GRIK2: variants seen among roughly 807,000 people sequenced by gnomAD.
The protein encoded by GRIK2 is glutamate receptor ionotropic, kainate 2.
Under a neutral mutation model 100.3 loss-of-function variants are expected in GRIK2, and 32 were observed. That is an observed-to-expected ratio of 0.32 (90% CI 0.24 to 0.43). The LOEUF (loss-of-function observed/expected upper bound fraction) is 0.43, where lower values mean the gene tolerates loss of function less well. Among genes scored for constraint, GRIK2 ranks in the 20% least tolerant of loss-of-function variants. The pLI is 1.00. For missense variants in GRIK2, 843 were observed against 1,114.9 expected, an observed-to-expected ratio of 0.76 and a Z score of 3.47; for synonymous variants, 417 against 389.4, an observed-to-expected ratio of 1.07 and a Z score of -0.83.
intron 8 of GRIK2, among the ~76,000 whole-genome samples, chr6:101,801,087 G>T (rs1372936045): frequency 6.6e-6 from 1 of 151,772 alleles, no homozygotes; most frequent in Non-Finnish European, 1.5e-5. Flanking sequence ...TCTTTGTTTT[G>T]GTTGCTAGGA....
chr6:101,421,585 ATTACT>A (rs1421289846), intron 2 of GRIK2, among the ~76,000 whole-genome samples: 4 of 152,224 alleles, frequency 2.6e-5, no homozygotes, highest in African/African-American at 9.6e-5. Flanking sequence ...GTTAAAGAAC[ATTACT>A]TTATTGAGTA....
At chr6:101,586,713 A>G (rs1013357855) in intron 2 of GRIK2, among the ~76,000 whole-genome samples, 2 of 137,820 alleles carry the variant, frequency 1.5e-5, no homozygotes, top group African/African-American at 5.7e-5. Context: ...TACTAAAAAT[A>G]AAATTAAAAA....
intron 7 of GRIK2, among the ~76,000 whole-genome samples, chr6:101,797,343 A>T (rs1264627798): frequency 6.6e-6 from 1 of 151,964 alleles, no homozygotes; most frequent in Non-Finnish European, 1.5e-5. Flanking sequence ...TATAGTATGT[A>T]GTGGTGGCCA....
At chr6:101,669,192 A>G (rs2128337214) in intron 4 of GRIK2, among the ~76,000 whole-genome samples, 1 of 152,220 alleles carries the variant, frequency 6.6e-6, no homozygotes, top group South Asian at 2.1e-4. Context: ...GAAGAAGGGG[A>G]CACTTTAATT....
In GRIK2 at chr6:101,827,896, T is replaced by C. The variant is rs76245053; in HGVS notation, c.1317+9413T>C. 9.8e-3 allele frequency among the ~76,000 whole-genome samples: 1,494 copies of C among 151,852 alleles called. 43 individuals are homozygous for C. The highest frequency in any genetic ancestry group is 0.091 in the South Asian group (437 of 4,824). On this transcript the variant is annotated intron_variant, in intron 10 of 16. Transcript: ENST00000369134. The stretch of plus-strand genomic sequence containing the variant: ...CGATTGAGGCAGAAAACAAAGAAAT[T>C]CTGCACTTAAATTTGGCACTTGACC...
chr6:101,479,592 C>A (rs1460782449), intron 2 of GRIK2, among the ~76,000 whole-genome samples: 1 of 151,910 alleles, frequency 6.6e-6, no homozygotes, highest in African/African-American at 2.4e-5. Context: ...TTTGTAATTT[C>A]GGCATGGTTT....
At chr6:101,979,551 G>A (rs1793593568) in intron 14 of GRIK2, among the ~76,000 whole-genome samples, 1 of 151,894 alleles carries the variant, frequency 6.6e-6, no homozygotes, top group African/African-American at 2.4e-5. Context: ...ATAAGCAGAG[G>A]TGGGTAAGAA....
rs117480490 is a variant in GRIK2 at position 101,801,525 on chromosome 6, T to C, written c.1096-806T>C. The stretch of plus-strand genomic sequence containing the variant: ...TGAAATATTACCCTTAATCTACTGA[T>C]ATTTACTTCTTTTGGGTCTTGGTTA... On this transcript the variant is annotated intron_variant, in intron 8 of 16. Coordinates refer to ENST00000369134, the MANE Select transcript of GRIK2 (RefSeq NM_021956.5). Among the ~76,000 whole-genome samples the C allele has an allele frequency of 3.0e-3, 451 of 152,120 alleles. 3 individuals carry two copies. The highest frequency in any genetic ancestry group is 6.8e-3 in the South Asian group (33 of 4,828).
At chr6:101,991,547 T>C (rs1003616947) in intron 14 of GRIK2, among the ~76,000 whole-genome samples, 11 of 151,168 alleles carry the variant, frequency 7.3e-5, no homozygotes, top group African/African-American at 2.2e-4. Flanking sequence ...AAAAAGAAAA[T>C]ATTTTACACC....
chr6:101,824,487 C>T (rs1431358100), intron 10 of GRIK2, among the ~76,000 whole-genome samples: 4 of 152,072 alleles, frequency 2.6e-5, no homozygotes, highest in African/African-American at 4.8e-5. Context: ...TCTTAGTTTT[C>T]GATAGACATT....
At chr6:101,752,870 A>G (rs112458882) in intron 7 of GRIK2, among the ~76,000 whole-genome samples, 7 of 152,198 alleles carry the variant, frequency 4.6e-5, no homozygotes, top group African/African-American at 1.4e-4. Context: ...CTGTAGATGT[A>G]TTTCCACAAA....
At chr6:101,685,292 C>G (rs1263753717) in intron 6 of GRIK2, among the ~76,000 whole-genome samples, 1 of 152,160 alleles carries the variant, frequency 6.6e-6, no homozygotes, top group Non-Finnish European at 1.5e-5. Context: ...AGAGCTCAGG[C>G]CAATGCCAGC....
At chr6:101,957,461 TTTC>T (rs1792010921) in intron 14 of GRIK2, among the ~76,000 whole-genome samples, 2 of 151,456 alleles carry the variant, frequency 1.3e-5, no homozygotes, top group South Asian at 4.1e-4. Flanking sequence ...TGATTGTGAT[TTTC>T]TTATTTATTT....
intron 3 of GRIK2, among the ~76,000 whole-genome samples, chr6:101,624,022 A>G (rs1231667885): frequency 6.6e-6 from 1 of 152,086 alleles, no homozygotes; most frequent in Non-Finnish European, 1.5e-5. Flanking sequence ...TATTTATCCA[A>G]TGCAAGAAAA....
At chr6:101,451,498 G>T (rs1770678088) in intron 2 of GRIK2, among the ~76,000 whole-genome samples, 1 of 151,494 alleles carries the variant, frequency 6.6e-6, no homozygotes. Flanking sequence ...TAATTATGTG[G>T]AATTTATTTT....
chr6:101,759,406 A>G (rs1213403315), intron 7 of GRIK2, among the ~76,000 whole-genome samples: 1 of 152,158 alleles, frequency 6.6e-6, no homozygotes, highest in African/African-American at 2.4e-5. Context: ...ATGTCTCTTT[A>G]TTTGCATAAC....
intron 11 of GRIK2, among the ~76,000 whole-genome samples, chr6:101,879,330 C>T (rs1215805055): frequency 2.6e-5 from 4 of 152,012 alleles, no homozygotes; most frequent in Non-Finnish European, 5.9e-5. Flanking sequence ...AAAATACATG[C>T]TTCTTTGAGG....
chr6:101,697,850 A>G (rs1381523808), intron 7 of GRIK2, among the ~76,000 whole-genome samples: 1 of 152,072 alleles, frequency 6.6e-6, no homozygotes, highest in Non-Finnish European at 1.5e-5. Flanking sequence ...CTAAAGATTG[A>G]ATACATAACT....
At chr6:101,665,107 A>T (rs530259381) in intron 4 of GRIK2, among the ~76,000 whole-genome samples, 6 of 152,248 alleles carry the variant, frequency 3.9e-5, no homozygotes, top group Middle Eastern at 3.4e-3. Flanking sequence ...TACACTCCAT[A>T]TAACACCTCA....
Sources: allele counts gnomAD v4.1 joint callset (sites outside exome capture counted in the v4.1 genomes callset), GRCh38; gene constraint gnomAD v4.1.1; transcripts MANE v1.5; gene names NCBI Gene and HGNC (gene_info 2026-07-23, HGNC 2026-07-21).